The following SV2C variants were observed in gnomAD, a reference collection of about 807,000 sequenced individuals.
SV2C encodes the protein solute carrier family 22 member B3.
SV2C carries 49 observed loss-of-function variants against 79.7 expected under a neutral mutation model. The observed-to-expected ratio is 0.61, with a 90% CI of 0.49 to 0.78. The LOEUF (loss-of-function observed/expected upper bound fraction) is 0.78, where lower values mean the gene tolerates loss of function less well. Ranked by LOEUF, SV2C falls within the 30% of genes least tolerant of loss-of-function variation. The pLI is 0.00. For synonymous variants in SV2C, 334 were observed against 333.2 expected, an observed-to-expected ratio of 1.00 and a Z score of -0.03; for missense variants, 833 against 912.9, an observed-to-expected ratio of 0.91 and a Z score of 1.13.
the SV2C span, among the ~76,000 whole-genome samples, chr5:75,970,423 C>T: frequency 4.3e-4 from 66 of 152,064 alleles, no homozygotes; most frequent in African/African-American, 1.5e-3. Context: ...TGATAGACTG[C>T]TAGCAAGACT....
chr5:76,173,676 G>A (rs1580328654), intron 2 of SV2C: 2 of 1,613,790 alleles, frequency 1.2e-6, no homozygotes, highest in Non-Finnish European at 1.7e-6. Context: ...CCAGGCACTG[G>A]AGTTTTTCTG....
chr5:76,098,655 A>G (rs1747640275), intron 1 of SV2C, among the ~76,000 whole-genome samples: 1 of 152,264 alleles, frequency 6.6e-6, no homozygotes, highest in Non-Finnish European at 1.5e-5. Context: ...AAGTTTGATT[A>G]TATTCAACAG....
chr5:76,248,557 T>C (rs538121048), intron 4 of SV2C, among the ~76,000 whole-genome samples: 2 of 152,146 alleles, frequency 1.3e-5, no homozygotes, highest in East Asian at 3.9e-4. Flanking sequence ...TGGAGGGGAC[T>C]AAGTTCAGCC....
At chr5:76,168,017 C>A (rs550680868) in intron 2 of SV2C, among the ~76,000 whole-genome samples, 3 of 152,136 alleles carry the variant, frequency 2.0e-5, no homozygotes, top group Admixed American at 2.0e-4. Context: ...GAAATCCAGT[C>A]GTTTGTAAAT....
chr5:76,002,103 T>C, the SV2C span, among the ~76,000 whole-genome samples: 1 of 152,118 alleles, frequency 6.6e-6, no homozygotes, highest in African/African-American at 2.4e-5. Flanking sequence ...TCCAGCTCCA[T>C]CCAAGTTGTG....
chr5:76,101,961 T>C (rs1165869347), intron 1 of SV2C, among the ~76,000 whole-genome samples: 1 of 152,124 alleles, frequency 6.6e-6, no homozygotes, highest in Non-Finnish European at 1.5e-5. Context: ...GCACTTGATA[T>C]TTAGTTTTTA....
chr5:76,168,387 C>T lies in SV2C; in HGVS notation c.581-26532C>T, dbSNP rs1032651798. Among the ~76,000 whole-genome samples the T allele has an allele frequency of 3.3e-5, 5 of 152,034 alleles. No individual in the cohort carries two copies. The East Asian group carries it at 9.7e-4, about 29-fold the overall frequency. ...CCCCCACCCCTGCCCACCAGGATGA[C>T]TCACCCTGGACCCCTCCTTACCTTG... On this transcript the variant is annotated intron_variant, in intron 2 of 12. Coordinates refer to ENST00000502798, the MANE Select transcript of SV2C (RefSeq NM_014979.4).
At chr5:76,224,411 T>C (rs1745180618) in intron 4 of SV2C, among the ~76,000 whole-genome samples, 1 of 152,246 alleles carries the variant, frequency 6.6e-6, no homozygotes, top group Non-Finnish European at 1.5e-5. Context: ...ATACCCTTGC[T>C]GGGCTGAATT....
the SV2C span, among the ~76,000 whole-genome samples, chr5:75,950,858 G>A: frequency 6.6e-6 from 1 of 151,886 alleles, no homozygotes; most frequent in Admixed American, 6.6e-5. Flanking sequence ...CTTCCATAGT[G>A]TCTACCTATA....
the SV2C span, among the ~76,000 whole-genome samples, chr5:76,029,400 A>T: frequency 2.0e-5 from 3 of 152,160 alleles, no homozygotes; most frequent in Admixed American, 6.5e-5. Context: ...GTTCTTAATG[A>T]TCAGTAGAGT....
chr5:75,932,955 G>A, the SV2C span, among the ~76,000 whole-genome samples: 1 of 152,142 alleles, frequency 6.6e-6, no homozygotes, highest in Non-Finnish European at 1.5e-5. Flanking sequence ...TGTATCATCT[G>A]GTCCTTGCCT....
the SV2C span, among the ~76,000 whole-genome samples, chr5:76,049,023 G>GAAAGAAAGAAAGA: frequency 1.2e-5 from 1 of 82,584 alleles, no homozygotes; most frequent in Non-Finnish European, 2.3e-5. Context: ...AAGAAAGAAA[G>GAAAGAAAGAAAGA]AAAAAGAAAA....
the SV2C span, among the ~76,000 whole-genome samples, chr5:75,909,723 G>A: frequency 7.2e-5 from 11 of 151,964 alleles, no homozygotes; most frequent in African/African-American, 2.2e-4. Context: ...CCTTTTTCCT[G>A]TAAGCTACTG....
chr5:76,073,223 GT>G, the SV2C span, among the ~76,000 whole-genome samples: 2 of 151,992 alleles, frequency 1.3e-5, no homozygotes, highest in African/African-American at 4.8e-5. Flanking sequence ...ATGGTTTCAG[GT>G]CTTAGATTTA....
At chr5:76,271,848 A>T (rs1746878724) in intron 4 of SV2C, among the ~76,000 whole-genome samples, 1 of 152,104 alleles carries the variant, frequency 6.6e-6, no homozygotes. Context: ...GTTTCTAAAA[A>T]TTCCAGAGTC....
the SV2C span, among the ~76,000 whole-genome samples, chr5:75,918,658 G>A: frequency 1.3e-5 from 2 of 152,324 alleles, no homozygotes; most frequent in South Asian, 4.1e-4. Flanking sequence ...CCACCACTCA[G>A]ACTGTTGCTA....
intron 2 of SV2C, among the ~76,000 whole-genome samples, chr5:76,140,580 G>A (rs952262509): frequency 3.3e-5 from 5 of 152,046 alleles, no homozygotes; most frequent in Admixed American, 6.5e-5. Context: ...ACTGGCTCAC[G>A]GTGCATTGAA....
At chr5:75,995,708 T>C in the SV2C span, among the ~76,000 whole-genome samples, 9 of 152,146 alleles carry the variant, frequency 5.9e-5, no homozygotes, top group African/African-American at 1.4e-4. Context: ...TCAAAGTCAA[T>C]TGATTATATT....
the SV2C span, among the ~76,000 whole-genome samples, chr5:75,904,400 C>CAGAGAGAGAGAG: frequency 1.2e-4 from 17 of 138,848 alleles, no homozygotes; most frequent in East Asian, 2.7e-3. Flanking sequence ...AAAACAAACC[C>CAGAGAGAGAGAG]AGAGAGAGAG....
Sources: allele counts gnomAD v4.1 joint callset (sites outside exome capture counted in the v4.1 genomes callset), GRCh38; gene constraint gnomAD v4.1.1; transcripts MANE v1.5; gene names NCBI Gene and HGNC (gene_info 2026-07-23, HGNC 2026-07-21).